DCAF6: variants seen among roughly 807,000 people sequenced by gnomAD.
The protein encoded by DCAF6 is DDB1- and CUL4-associated factor 6.
A neutral mutation model predicts 125.1 loss-of-function variants in DCAF6; 54 were observed. The observed-to-expected ratio is 0.43, with a 90% CI of 0.35 to 0.54. The LOEUF is 0.54. Among genes scored for constraint, DCAF6 ranks in the 20% least tolerant of loss-of-function variants. The pLI is 0.01. For synonymous variants in DCAF6, 371 were observed against 390.4 expected, an observed-to-expected ratio of 0.95 and a Z score of 0.58; for missense variants, 934 against 1,161.7, an observed-to-expected ratio of 0.80 and a Z score of 2.85.
the DCAF6 span, among the ~76,000 whole-genome samples, chr1:167,889,324 G>C: frequency 6.6e-6 from 1 of 152,140 alleles, no homozygotes; most frequent in Non-Finnish European, 1.5e-5. Flanking sequence ...AGCATCAACT[G>C]AAATGATAAT....
intron 17 of DCAF6, among the ~76,000 whole-genome samples, chr1:168,058,355 T>C (rs746432682): frequency 6.2e-4 from 95 of 152,370 alleles, no homozygotes; most frequent in Non-Finnish European, 1.2e-3. Context: ...TAATTTAAAA[T>C]TGTTTTCCAA....
the DCAF6 span, among the ~76,000 whole-genome samples, chr1:167,913,468 C>T: frequency 6.6e-6 from 1 of 152,332 alleles, no homozygotes; most frequent in South Asian, 2.1e-4. Flanking sequence ...CTTGCCTACT[C>T]TAGCCATGGT....
the DCAF6 span, among the ~76,000 whole-genome samples, chr1:167,883,039 T>A: frequency 2.6e-5 from 4 of 152,192 alleles, no homozygotes; most frequent in Admixed American, 2.6e-4. Flanking sequence ...AGGTTAAATT[T>A]CTTTTTTTGT....
rs141191160 is a variant in DCAF6 at position 167,991,270 on chromosome 1, C to T, written c.619C>T (p.Leu207Phe). 6.2e-7 allele frequency: 1 copy of T among 1,613,460 alleles called. No homozygotes were observed. Among genetic ancestry groups the T allele is most frequent in the Non-Finnish European group, 8.5e-7 (1 of 1,179,850 alleles). Reference protein sequence around the residue: ...VAICPPIPYYLAVGCSDSSVR... With the variant: ...VAICPPIPYYFAVGCSDSSVR... ...TATTTGCCCACCAATACCATATTAC[C>T]TTGCTGTTGGTTGTTCTGACAGCTC... Residue 207 changes from leucine to phenylalanine, a missense_variant, in exon 6 of 22, where the codon CTT (leucine) becomes TTT (phenylalanine). Around this residue, in one of 5 missense-constraint regions of DCAF6, gnomAD observed 309 missense variants for 381.2 expected, o/e 0.81. Coordinates refer to ENST00000367840, the MANE Select transcript of DCAF6 (RefSeq NM_001198956.2).
At chr1:167,937,105 G>A in intron 1 of DCAF6, 97 bp downstream of exon 1, 3 of 1,060,868 alleles carry the variant, frequency 2.8e-6, no homozygotes, top group Non-Finnish European at 4.2e-6. Flanking sequence ...CGGCGTCTCG[G>A]TGGGGGCGCC....
chr1:167,901,732 ACAT>A, the DCAF6 span: 2 of 1,614,158 alleles, frequency 1.2e-6, no homozygotes, highest in Non-Finnish European at 1.7e-6. Context: ...TCTCCAGGCT[ACAT>A]TTAATTACCA....
chr1:167,988,225 A>G (rs1287454353), intron 5 of DCAF6, among the ~76,000 whole-genome samples: 1 of 152,124 alleles, frequency 6.6e-6, no homozygotes, highest in African/African-American at 2.4e-5. Flanking sequence ...CAGTGGTGCA[A>G]TCCTAGCTCA....
At chr1:167,956,837 C>G (rs1674864396) in intron 2 of DCAF6, among the ~76,000 whole-genome samples, 1 of 151,780 alleles carries the variant, frequency 6.6e-6, no homozygotes, top group African/African-American at 2.4e-5. Flanking sequence ...TTTCTATGGC[C>G]ATCTGTTATT....
chr1:168,035,273 C>G (rs1003168192), intron 12 of DCAF6, among the ~76,000 whole-genome samples: 1 of 152,142 alleles, frequency 6.6e-6, no homozygotes, highest in Non-Finnish European at 1.5e-5. Flanking sequence ...TGGCAAAACC[C>G]TGTTTCTACA....
chr1:167,920,238 C>G, the DCAF6 span: 18 of 604,366 alleles, frequency 3.0e-5, no homozygotes, highest in Middle Eastern at 4.4e-4. Flanking sequence ...GTTTCTGTAA[C>G]TTAGTGTCAC....
At chr1:167,901,960 G>T in the DCAF6 span, 1 of 1,608,406 alleles carries the variant, frequency 6.2e-7, no homozygotes, top group Non-Finnish European at 8.5e-7. Flanking sequence ...CAACACAGAA[G>T]CACAGGCACC....
Position 168,041,097 on chromosome 1 carries a change from A to G in DCAF6, c.1728-1928A>G, listed in dbSNP as rs145000921. 7.9e-5 allele frequency among the ~76,000 whole-genome samples: 12 copies of G among 152,114 alleles called. No homozygotes were observed. The East Asian group carries it at 1.9e-3, about 24-fold the overall frequency. On this transcript the variant is annotated intron_variant, in intron 13 of 21. Transcript: ENST00000367840. Reference sequence around the variant, plus strand: ...TCCCTTGAAAACGGGCATGTTTAATAGAACCTACTTCATAGGTTTAGTATG... The same window carrying G: ...TCCCTTGAAAACGGGCATGTTTAATGGAACCTACTTCATAGGTTTAGTATG...
chr1:168,034,037 A>G (rs1484548957), intron 12 of DCAF6, among the ~76,000 whole-genome samples: 1 of 152,232 alleles, frequency 6.6e-6, no homozygotes, highest in Non-Finnish European at 1.5e-5. Flanking sequence ...CAAAGTGATA[A>G]TTTTGGCTAC....
intron 21 of DCAF6, among the ~76,000 whole-genome samples, chr1:168,072,219 C>T (rs574300971): frequency 1.0e-4 from 14 of 135,402 alleles, no homozygotes; most frequent in Non-Finnish European, 1.7e-4. Context: ...ATCGCCTGAA[C>T]CCAGGAGGTG....
At chr1:167,918,256 C>T in the DCAF6 span, 17 of 1,301,372 alleles carry the variant, frequency 1.3e-5, no homozygotes, top group Admixed American at 1.1e-4. Context: ...TTATCAATAA[C>T]CAAATAATAA....
intron 11 of DCAF6, among the ~76,000 whole-genome samples, chr1:168,018,022 T>G (rs372356161): frequency 2.0e-5 from 3 of 152,218 alleles, no homozygotes; most frequent in African/African-American, 7.2e-5. Context: ...AGAAAGAATT[T>G]CTGCATTACA....
intron 21 of DCAF6, among the ~76,000 whole-genome samples, chr1:168,072,997 G>GGCT (rs1693310960): frequency 2.0e-5 from 3 of 152,120 alleles, no homozygotes; most frequent in Admixed American, 2.0e-4. Context: ...CTAACATGGT[G>GGCT]AAACCCCATC....
intron 11 of DCAF6, among the ~76,000 whole-genome samples, chr1:168,017,148 A>G (rs1294188838): frequency 6.6e-6 from 1 of 151,696 alleles, no homozygotes; most frequent in Non-Finnish European, 1.5e-5. Context: ...CTATGGGGAA[A>G]TATTTTCCTA....
In DCAF6 at chr1:168,015,897, T is replaced by TC. The variant is rs1487954555; in HGVS notation, c.1497dup (p.Thr500HisfsTer3). ...AGCTGCACATACCCAGCAACAGCCT[T>TC]CCACTTCTGATCAGTCTTCTCATGA... is the stretch of plus-strand genomic sequence containing the variant. On this transcript the variant is annotated frameshift_variant, in exon 11 of 22. Coordinates refer to ENST00000367840, the MANE Select transcript of DCAF6 (RefSeq NM_001198956.2). LOFTEE classifies it high-confidence loss of function. The TC allele has an allele frequency of 3.2e-6, 5 of 1,542,636 alleles. No individual in the cohort carries two copies. In the East Asian group the frequency reaches 1.2e-4, roughly 38 times the overall value.
Sources: gnomAD v4.1 joint callset for allele counts (sites outside exome capture counted in the v4.1 genomes callset) on GRCh38, gnomAD v4.1.1 for gene constraint, gnomAD v4.1.1 regional missense constraint, MANE v1.5 for transcripts, NCBI Gene and HGNC (gene_info 2026-07-23, HGNC 2026-07-21) for gene names.